Variants in PIEZO2 observed in about 807,000 individuals in gnomAD.
The protein encoded by PIEZO2 is piezo type mechanosensitive ion channel component 2.
A neutral mutation model predicts 337.3 loss-of-function variants in PIEZO2; 172 were observed. The observed-to-expected ratio is 0.51, with a 90% confidence interval of 0.45 to 0.58. The LOEUF (loss-of-function observed/expected upper bound fraction) is 0.58, where lower values mean the gene tolerates loss of function less well. PIEZO2 is among the 20% of genes least tolerant of loss of function. The probability of loss-of-function intolerance (pLI) is 0.00; values close to 1 mark genes in which losing one functional copy is unlikely to be tolerated. For missense variants in PIEZO2, 3,028 were observed against 3,391.3 expected (o/e 0.89, Z 2.66); for synonymous variants, 1,251 against 1,228.5 (o/e 1.02, Z -0.38).
chr18:10,838,323 C>T (rs1051504633), intron 7 of PIEZO2, among the ~76,000 whole-genome samples: 1 of 152,154 alleles, frequency 6.6e-6, no homozygotes, highest in African/African-American at 2.4e-5. Context: ...TGTTTCCATG[C>T]CAAACCCATA....
intron 2 of PIEZO2, among the ~76,000 whole-genome samples, chr18:11,034,655 G>T (rs2036861197): frequency 6.6e-6 from 1 of 152,078 alleles, no homozygotes. Flanking sequence ...CCTATTAGTG[G>T]AACTAAAACA....
At chr18:10,871,087 G>A (rs2042127814) in intron 5 of PIEZO2, among the ~76,000 whole-genome samples, 166 bp downstream of exon 5, 1 of 151,986 alleles carries the variant, frequency 6.6e-6, no homozygotes. Flanking sequence ...TCTGCCCACC[G>A]GGACTGCACG....
chr18:10,987,396 G>A (rs549465594), intron 2 of PIEZO2, among the ~76,000 whole-genome samples: 5 of 152,118 alleles, frequency 3.3e-5, no homozygotes, highest in African/African-American at 1.2e-4. Context: ...GACCTGAGAA[G>A]TTAACCCACA....
intron 4 of PIEZO2, 80 bp from the exon 5 acceptor site, chr18:10,871,495 G>T (rs558620869): frequency 1.5e-4 from 194 of 1,304,714 alleles, no homozygotes; most frequent in Admixed American, 2.2e-4. Flanking sequence ...AGGATGTTTT[G>T]GTCTTCTTAA....
rs568365101 is a variant in PIEZO2, at chr18:11,016,840, T to C, written c.161-37180A>G. On this transcript the variant is annotated intron_variant, in intron 2 of 55. Transcript: ENST00000674853. The surrounding 1 kb of genome is among the most constrained non-coding windows in gnomAD (Gnocchi z 5.6). Reference sequence around the variant, plus strand: ...GCTCTTGTTGGAAAAACTCCATCCTTTTGTTATTTCCTTCTCCCCTAATAA... The same window carrying C: ...GCTCTTGTTGGAAAAACTCCATCCTCTTGTTATTTCCTTCTCCCCTAATAA... Among the ~76,000 whole-genome samples the C allele has an allele frequency of 1.2e-4, 19 of 152,328 alleles. No homozygotes were observed. The highest frequency in any genetic ancestry group is 4.4e-5 in the Non-Finnish European group (3 of 68,028).
chr18:10,869,796 T>C (rs537462214), intron 5 of PIEZO2, among the ~76,000 whole-genome samples: 1 of 152,322 alleles, frequency 6.6e-6, no homozygotes, highest in African/African-American at 2.4e-5. Context: ...ACACCAAGCA[T>C]CATTTTAACA....
Position 11,105,281 on chromosome 18 carries a change from C to T in PIEZO2, c.65-39059G>A, listed in dbSNP as rs141429481. ...CAAACCAATATGGACTCACAACGCC[C>T]ATTTGACACACTCAGTGCCTTGGCT... is the stretch of plus-strand genomic sequence containing the variant. On this transcript the variant is annotated intron_variant, in intron 1 of 55. Transcript: ENST00000674853. The surrounding 1 kb of genome is among the most constrained non-coding windows in gnomAD (Gnocchi z 4.3). Among the ~76,000 whole-genome samples, 131 of 152,304 alleles carry T rather than the reference C, an allele frequency of 8.6e-4. No individual in the cohort carries two copies. The highest frequency in any genetic ancestry group is 3.0e-3 in the African/African-American group (126 of 41,580).
At position 10,979,684 on chromosome 18, in the gene PIEZO2, T is replaced by C. The variant is rs1198305205; in HGVS notation, c.161-24A>G. On this transcript the variant is annotated intron_variant, in intron 2 of 55. Transcript: ENST00000674853. This position sits in a 1 kb window ranked among gnomAD's most constrained non-coding sequence, Gnocchi z 4.0. ...TCCTAAGGGATAAAAAGTGCAGAGA[T>C]TGTGAGAGAGCTTAAGATGAAACAC... The C allele has an allele frequency of 5.9e-6, 9 of 1,515,128 alleles. No individual in the cohort carries two copies. Among genetic ancestry groups the C allele is most frequent in the Non-Finnish European group, 7.9e-6 (9 of 1,132,522 alleles). 93.9% of individuals were successfully genotyped at this position (1,515,128 alleles called of 1,614,324 possible).
At chr18:10,835,498 G>A (rs1322877059) in intron 7 of PIEZO2, among the ~76,000 whole-genome samples, 1 of 151,874 alleles carries the variant, frequency 6.6e-6, no homozygotes, top group East Asian at 1.9e-4. Context: ...TATATTGGCA[G>A]AATGCCTGGA....
chr18:10,872,874 G>A lies in PIEZO2; in HGVS notation c.330-1459C>T, dbSNP rs1447720926. Among the ~76,000 whole-genome samples the A allele has an allele frequency of 6.6e-6, 1 of 152,168 alleles. No individual in the cohort carries two copies. The highest frequency in any genetic ancestry group is 1.5e-5 in the Non-Finnish European group (1 of 68,046). On this transcript the variant is annotated intron_variant, in intron 4 of 55. Coordinates refer to ENST00000674853, the MANE Select transcript of PIEZO2 (RefSeq NM_001378183.1). This position sits in a 1 kb window ranked among gnomAD's most constrained non-coding sequence, Gnocchi z 4.3. ...TAAAATAGGGAGGATACAGGTAGAG[G>A]AGTCAAGAGTCTGTACCAGCATTAA...
intron 4 of PIEZO2, among the ~76,000 whole-genome samples, chr18:10,879,954 G>A (rs935005296): frequency 6.6e-6 from 1 of 152,142 alleles, no homozygotes; most frequent in African/African-American, 2.4e-5. Flanking sequence ...GCAAAATATA[G>A]ATTGCTTAGG....
At chr18:10,961,266 G>T (rs1309922197) in intron 3 of PIEZO2, among the ~76,000 whole-genome samples, 2 of 140,932 alleles carry the variant, frequency 1.4e-5, no homozygotes, top group African/African-American at 2.7e-5. Flanking sequence ...CAATTGCAGT[G>T]ACCTGCATGA....
chr18:10,974,663 C>T (rs1275710040), intron 3 of PIEZO2, among the ~76,000 whole-genome samples: 1 of 152,210 alleles, frequency 6.6e-6, no homozygotes, highest in Non-Finnish European at 1.5e-5. Flanking sequence ...CCAGCTGAGA[C>T]ATGCAATGGT....
intron 2 of PIEZO2, among the ~76,000 whole-genome samples, chr18:10,984,555 A>G (rs2034794488): frequency 6.6e-6 from 1 of 152,118 alleles, no homozygotes; most frequent in African/African-American, 2.4e-5. Context: ...GCACACAAAA[A>G]AATAATAAAA....
intron 7 of PIEZO2, among the ~76,000 whole-genome samples, chr18:10,851,532 T>A (rs553749597): frequency 3.3e-5 from 5 of 152,320 alleles, no homozygotes; most frequent in African/African-American, 1.2e-4. Context: ...GCAAATATGA[T>A]GTTATTACAC....
chr18:10,764,960 T>A lies in PIEZO2; in HGVS notation c.2947-1862A>T, dbSNP rs142326185. Among the ~76,000 whole-genome samples the A allele has an allele frequency of 1.8e-3, 273 of 152,354 alleles. 3 individuals carry two copies. The highest frequency in any genetic ancestry group is 6.3e-3 in the African/African-American group (260 of 41,584). ...CTATTAAAGATGCTGTGAAATTAACTCAGTTATGTCTGTTATTATGTATCT... is the reference window on the plus strand; with the variant it reads ...CTATTAAAGATGCTGTGAAATTAACACAGTTATGTCTGTTATTATGTATCT... On this transcript the variant is annotated intron_variant, in intron 21 of 55. Transcript: ENST00000674853.
chr18:10,890,432 A>G (rs2042722053), intron 4 of PIEZO2: 1 of 152,246 alleles, frequency 6.6e-6, no homozygotes, highest in Admixed American at 6.5e-5. Flanking sequence ...GCTAATAAAG[A>G]CATACCCAAT....
In PIEZO2 at chr18:10,716,659, C is replaced by T. The variant is rs1249557298; in HGVS notation, c.5090-843G>A. 6.6e-6 allele frequency among the ~76,000 whole-genome samples: 1 copy of T among 152,174 alleles called. No individual in the cohort carries two copies. The highest frequency in any genetic ancestry group is 2.4e-5 in the African/African-American group (1 of 41,438). ...CACCTATGTTTCCCTCTCCGCCCCTCCTCACATCCTTTATAAAATCTCAAG... is the reference window on the plus strand; with the variant it reads ...CACCTATGTTTCCCTCTCCGCCCCTTCTCACATCCTTTATAAAATCTCAAG... On this transcript the variant is annotated intron_variant, in intron 37 of 55. Transcript: ENST00000674853. The surrounding 1 kb of genome is among the most constrained non-coding windows in gnomAD (Gnocchi z 4.1).
intron 11 of PIEZO2, among the ~76,000 whole-genome samples, chr18:10,799,999 T>G (rs2039752715): frequency 6.7e-6 from 1 of 150,354 alleles, no homozygotes; most frequent in South Asian, 2.1e-4. Context: ...AATTCATATA[T>G]TAACCAGGAA....
Sources: allele counts gnomAD v4.1 joint callset (sites outside exome capture counted in the v4.1 genomes callset), GRCh38; gene constraint gnomAD v4.1.1; non-coding constraint Gnocchi (gnomAD v3.1); transcripts MANE v1.5; gene names NCBI Gene and HGNC (gene_info 2026-07-23, HGNC 2026-07-21).